CYB561A3: variants seen among roughly 807,000 people sequenced by gnomAD.
CYB561A3 encodes lysosomal membrane ascorbate-dependent ferrireductase CYB561A3.
CYB561A3 carries 16 observed loss-of-function variants against 25.3 expected under a neutral mutation model. That is an observed-to-expected ratio of 0.63 (90% CI 0.43 to 0.96). CYB561A3 has a LOEUF of 0.96. CYB561A3 is among the 40% of genes least tolerant of loss of function. CYB561A3 has a pLI of 0.00. For missense variants in CYB561A3, 219 were observed against 307.5 expected (o/e 0.71, Z 2.15); for synonymous variants, 131 against 129.9 (o/e 1.01, Z -0.06).
At chr11:61,357,006 C>T in intron 2 of CYB561A3, 1 of 1,464,788 alleles carries the variant, frequency 6.8e-7, no homozygotes, top group Non-Finnish European at 9.1e-7. Context: ...GGCCAGATGC[C>T]AAGGCCCAAG....
At chr11:61,357,580 G>A (rs184139857) in intron 2 of CYB561A3, among the ~76,000 whole-genome samples, 153 bp downstream of exon 2, 2 of 152,322 alleles carry the variant, frequency 1.3e-5, no homozygotes, top group Admixed American at 1.3e-4. Context: ...CAGCTAATAT[G>A]TAGGCAGCAC....
At position 61,349,891 on chromosome 11, in the gene CYB561A3, G is replaced by A. The variant is rs1040907015; in HGVS notation, c.*508C>T. 2.6e-5 allele frequency: 14 copies of A among 531,052 alleles called. No individual in the cohort carries two copies. The East Asian group carries it at 4.3e-4, about 16-fold the overall frequency. 32.9% of individuals were successfully genotyped at this position (531,052 alleles called of 1,614,324 possible). A position where few individuals can be genotyped will look rare whatever the true frequency, so the allele number is the denominator to read the frequency against. On this transcript the variant is annotated 3_prime_UTR_variant, in exon 7 of 7. Coordinates refer to ENST00000294072, the MANE Select transcript of CYB561A3 (RefSeq NM_153611.6). ...GCACACCTTTATGGGGGAAGTGGAC[G>A]GACACCTCACCTCCCTCATGTTTCA...
chr11:61,360,433 A>G (rs989443598), intron 1 of CYB561A3: 1 of 152,256 alleles, frequency 6.6e-6, no homozygotes, highest in Non-Finnish European at 1.5e-5. Context: ...TGTAGAGCAC[A>G]TGGTCTGTCA....
rs547657560 is a variant in CYB561A3, at chr11:61,356,857, G to C, written c.-15-129C>G. 1.9e-3 allele frequency: 2,813 copies of C among 1,464,892 alleles called. 5 individuals are homozygous for C. The highest frequency in any genetic ancestry group is 0.014 in the Middle Eastern group (54 of 3,992). 90.7% of individuals were successfully genotyped at this position (1,464,892 alleles called of 1,614,324 possible). On this transcript the variant is annotated intron_variant, in intron 2 of 6. Transcript: ENST00000294072. ...TTTTTGCTTCAGTTCCCCTGCATCA[G>C]CCTGGGCACCACCCCCCGCCCGAGG...
Position 61,349,700 on chromosome 11 carries a change from A to T in CYB561A3, c.*699T>A. 1.4e-6 allele frequency: 1 copy of T among 701,158 alleles called. No individual in the cohort carries two copies. The allele number at this position is 701,158 out of a possible 1,614,324, so 43.4% of individuals were successfully genotyped here. ...CATGCAGACACAGAGCAGCAATACG[A>T]AACAGAACAGCTCAGAGCGGTCAGC... On this transcript the variant is annotated 3_prime_UTR_variant, in exon 7 of 7. Transcript: ENST00000294072.
intron 1 of CYB561A3, chr11:61,361,220 C>T (rs1857863377): frequency 6.6e-6 from 1 of 152,140 alleles, no homozygotes; most frequent in Non-Finnish European, 1.5e-5. Flanking sequence ...ATGACTTAGC[C>T]AAGGTAAGTG....
Position 61,349,959 on chromosome 11 carries a change from T to A in CYB561A3, c.*440A>T. On this transcript the variant is annotated 3_prime_UTR_variant, in exon 7 of 7. Transcript: ENST00000294072. ...GAGTCCCAGCTCTTCACCACATCCC[T>A]AGGAGTCTTAAGAGGAAATCAGTCT... The A allele has an allele frequency of 2.1e-6, 1 of 471,674 alleles. No homozygotes were observed. Among genetic ancestry groups the A allele is most frequent in the Non-Finnish European group, 3.9e-6 (1 of 256,412 alleles). The allele number at this position is 471,674 out of a possible 1,614,324, so 29.2% of individuals were successfully genotyped here. A position where few individuals can be genotyped will look rare whatever the true frequency, so the allele number is the denominator to read the frequency against.
chr11:61,356,631 A>C lies in CYB561A3; in HGVS notation c.83T>G (p.Met28Arg). ...SMCILFTIYW[M>R]QYWRGGFAWN... ...GGCAAAGCCACCACGCCAGTACTGC[A>C]TCCAGTAGATAGTGAAGAGGATGCA... Residue 28 changes from methionine (M) to arginine (R), a missense_variant, in exon 3 of 7, where the codon ATG (methionine) becomes AGG (arginine). By Grantham distance (91) the Met-to-Arg change is moderately conservative. Transcript: ENST00000294072. 6.2e-7 allele frequency: 1 copy of C among 1,614,222 alleles called. No homozygotes were observed.
At chr11:61,354,203 G>A in intron 3 of CYB561A3, 1 of 604,628 alleles carries the variant, frequency 1.7e-6, no homozygotes, top group Admixed American at 3.0e-5. Context: ...TAAAAAGGGA[G>A]GAGTGGTCAG....
intron 2 of CYB561A3, 99 bp from the exon 3 acceptor site, chr11:61,356,827 G>C: frequency 1.3e-6 from 2 of 1,502,616 alleles, no homozygotes; most frequent in East Asian, 2.4e-5. Context: ...CTGTGGGATG[G>C]AATCTTTTTG....
At position 61,350,412 on chromosome 11, in the gene CYB561A3, T is replaced by G; in HGVS notation, c.716A>C (p.His239Pro). The G allele has an allele frequency of 6.2e-7, 1 of 1,611,340 alleles. No homozygotes were observed. Among genetic ancestry groups the G allele is most frequent in the Non-Finnish European group, 8.5e-7 (1 of 1,179,166 alleles). ...GILTDRQPLL[H>P]DGE ...CTTCCTGCTGCTTCACTCCCCATCA[T>G]GCAGCAGGGGCTGGAAAGAGAGGCA... The change falls in exon 7 of 7, where the codon CAT becomes CCT. Residue 239 changes from histidine (H) to proline (P), a missense_variant. By Grantham distance (77) the His-to-Pro change is moderately conservative. Coordinates refer to ENST00000294072, the MANE Select transcript of CYB561A3 (RefSeq NM_153611.6).
chr11:61,356,974 G>A (rs1316468977), intron 2 of CYB561A3: 10 of 1,461,336 alleles, frequency 6.8e-6, no homozygotes, highest in Non-Finnish European at 9.0e-6. Context: ...GCAAACTCAA[G>A]GCTATGGCTG....
chr11:61,349,754 C>T lies in CYB561A3; in HGVS notation c.*645G>A. 1.5e-6 allele frequency: 1 copy of T among 660,902 alleles called. No homozygotes were observed. The highest frequency in any genetic ancestry group is 2.1e-5 in the Admixed American group (1 of 48,150). 40.9% of individuals were successfully genotyped at this position (660,902 alleles called of 1,614,324 possible). A position where few individuals can be genotyped will look rare whatever the true frequency, so the allele number is the denominator to read the frequency against. The stretch of plus-strand genomic sequence containing the variant: ...TCAGCAGAAGCTGCGTGGGCCGCCA[C>T]TCCCCCTTTCTGCAATCACCCCATG... On this transcript the variant is annotated 3_prime_UTR_variant, in exon 7 of 7. Coordinates refer to ENST00000294072, the MANE Select transcript of CYB561A3 (RefSeq NM_153611.6).
At chr11:61,352,306 A>AT (rs34484054) in intron 5 of CYB561A3, 129,397 of 151,964 alleles carry the variant, frequency 0.85, 58,574 homozygotes, top group Non-Finnish European at 1. Context: ...CTGTTCCCTC[A>AT]TTTTTTTTAT....
intron 4 of CYB561A3, 170 bp from the exon 5 acceptor site, chr11:61,353,309 C>T: frequency 1.2e-6 from 1 of 832,372 alleles, no homozygotes; most frequent in Non-Finnish European, 1.8e-6. Flanking sequence ...TGGCCTATTA[C>T]CCAAGCAACA....
intron 3 of CYB561A3, chr11:61,356,094 GAAA>G (rs774349495): frequency 8.0e-5 from 4 of 50,166 alleles, no homozygotes; most frequent in African/African-American, 1.2e-4. Context: ...TCCGTCTAGA[GAAA>G]AAAAAAAAAA....
intron 3 of CYB561A3, chr11:61,354,817 A>G (rs1857578662): frequency 1.3e-5 from 2 of 151,980 alleles, no homozygotes; most frequent in South Asian, 4.2e-4. Context: ...GTCAGGCAAC[A>G]TAGGTCCAAA....
intron 3 of CYB561A3, 169 bp downstream of exon 3, chr11:61,356,361 A>T: frequency 1.4e-6 from 1 of 727,594 alleles, no homozygotes; most frequent in Non-Finnish European, 2.0e-6. Context: ...GATGCCCCCC[A>T]TCTTAACCCC....
At chr11:61,357,286 T>C (rs1857685374) in intron 2 of CYB561A3, 1 of 1,511,352 alleles carries the variant, frequency 6.6e-7, no homozygotes, top group Non-Finnish European at 9.0e-7. Flanking sequence ...TAACCAGGCC[T>C]TCACTCCACT....
Sources: allele counts gnomAD v4.1 joint callset (sites outside exome capture counted in the v4.1 genomes callset), GRCh38; gene constraint gnomAD v4.1.1; transcripts MANE v1.5; gene names NCBI Gene and HGNC (gene_info 2026-07-23, HGNC 2026-07-21).